Variants in ARK2C observed in about 807,000 individuals in gnomAD.
ARK2C encodes E3 ubiquitin-protein ligase ARK2C.
the ARK2C span, among the ~76,000 whole-genome samples, chr18:46,387,831 A>G: frequency 6.6e-6 from 1 of 152,216 alleles, no homozygotes; most frequent in African/African-American, 2.4e-5. Flanking sequence ...AGCTGACCTT[A>G]GGGGTTATTT....
the ARK2C span, among the ~76,000 whole-genome samples, chr18:46,412,910 C>T: frequency 6.6e-6 from 1 of 152,112 alleles, no homozygotes; most frequent in Admixed American, 6.5e-5. Flanking sequence ...GATCCTCCCT[C>T]TCTCCCTGAC....
the ARK2C span, among the ~76,000 whole-genome samples, chr18:46,387,987 G>A: frequency 6.6e-6 from 1 of 152,184 alleles, no homozygotes; most frequent in African/African-American, 2.4e-5. Flanking sequence ...CCACAGGCTG[G>A]GGATTTCCAA....
chr18:46,417,054 G>T, the ARK2C span, among the ~76,000 whole-genome samples: 7 of 152,180 alleles, frequency 4.6e-5, no homozygotes, highest in African/African-American at 1.7e-4. Flanking sequence ...TGCTTAGCAA[G>T]CAAGATATGG....
the ARK2C span, among the ~76,000 whole-genome samples, chr18:46,344,586 C>T: frequency 2.6e-5 from 4 of 152,118 alleles, no homozygotes; most frequent in Admixed American, 1.3e-4. Flanking sequence ...TGGCCCTTCC[C>T]CAGGGGACCT....
At chr18:46,402,781 A>C in the ARK2C span, among the ~76,000 whole-genome samples, 1 of 152,294 alleles carries the variant, frequency 6.6e-6, no homozygotes, top group East Asian at 1.9e-4. Flanking sequence ...GATTGCAGGC[A>C]TGAGCCACCA....
At chr18:46,400,302 G>A in the ARK2C span, among the ~76,000 whole-genome samples, 2 of 152,206 alleles carry the variant, frequency 1.3e-5, no homozygotes, top group Non-Finnish European at 2.9e-5. Context: ...CCAGTGTCCT[G>A]CAGTGATGAC....
chr18:46,362,445 C>T, the ARK2C span, among the ~76,000 whole-genome samples: 4 of 152,092 alleles, frequency 2.6e-5, no homozygotes, highest in South Asian at 2.1e-4. Flanking sequence ...AGTGTGTGCG[C>T]GCCCCAAGGG....
the ARK2C span, among the ~76,000 whole-genome samples, chr18:46,364,503 G>T: frequency 6.6e-6 from 1 of 151,814 alleles, no homozygotes; most frequent in Non-Finnish European, 1.5e-5. Flanking sequence ...TCGTGATGCC[G>T]ACAGACAAGG....
At chr18:46,408,278 A>G in the ARK2C span, among the ~76,000 whole-genome samples, 2 of 152,172 alleles carry the variant, frequency 1.3e-5, no homozygotes, top group Non-Finnish European at 2.9e-5. Context: ...AGAAACTGTG[A>G]AGGGGCTACT....
the ARK2C span, among the ~76,000 whole-genome samples, chr18:46,451,850 T>C: frequency 6.6e-6 from 1 of 152,108 alleles, no homozygotes; most frequent in Non-Finnish European, 1.5e-5. Context: ...TGGAAAGACA[T>C]GTTGGAAGCA....
the ARK2C span, chr18:46,458,313 C>G: frequency 3.2e-4 from 49 of 152,682 alleles, no homozygotes; most frequent in African/African-American, 1.2e-3. Flanking sequence ...CAACCCAAAC[C>G]CAACTTTCTT....
At chr18:46,401,637 TC>T in the ARK2C span, among the ~76,000 whole-genome samples, 1 of 152,210 alleles carries the variant, frequency 6.6e-6, no homozygotes, top group Non-Finnish European at 1.5e-5. Context: ...CCTGTGATCT[TC>T]CCACTGAGCC....
chr18:46,439,603 A>C, the ARK2C span, among the ~76,000 whole-genome samples: 1 of 152,348 alleles, frequency 6.6e-6, no homozygotes, highest in South Asian at 2.1e-4. Flanking sequence ...AAATGCCACA[A>C]GTTTCCATGC....
chr18:46,408,540 CAG>C, the ARK2C span, among the ~76,000 whole-genome samples: 1 of 152,248 alleles, frequency 6.6e-6, no homozygotes, highest in East Asian at 1.9e-4. Flanking sequence ...CGTAGTCAAA[CAG>C]AGTTAAGGTT....
chr18:46,369,469 A>G, the ARK2C span, among the ~76,000 whole-genome samples: 2 of 152,084 alleles, frequency 1.3e-5, no homozygotes, highest in East Asian at 3.9e-4. Context: ...CTTCCGGGGA[A>G]TGTTGAAGTC....
At chr18:46,421,689 C>T in the ARK2C span, among the ~76,000 whole-genome samples, 5 of 152,160 alleles carry the variant, frequency 3.3e-5, no homozygotes, top group Admixed American at 3.3e-4. Context: ...TTCCCTTACT[C>T]CTGGTCCATG....
the ARK2C span, among the ~76,000 whole-genome samples, chr18:46,366,185 G>A: frequency 6.6e-6 from 1 of 151,068 alleles, no homozygotes; most frequent in African/African-American, 2.4e-5. Context: ...CCAGCTACTC[G>A]GGAGGCTGAG....
the ARK2C span, chr18:46,337,771 A>G: frequency 7.4e-6 from 1 of 134,542 alleles, no homozygotes; most frequent in African/African-American, 3.9e-5. Context: ...CTCCCATTGT[A>G]AGATTTGAGT....
chr18:46,341,319 A>AGGGGGG, the ARK2C span, among the ~76,000 whole-genome samples: 2 of 126,366 alleles, frequency 1.6e-5, no homozygotes, highest in African/African-American at 3.0e-5. Context: ...GAGGTCAGGG[A>AGGGGGG]GGGGGGTGGG....
Sources: gnomAD v4.1 joint callset for allele counts (sites outside exome capture counted in the v4.1 genomes callset) on GRCh38, gnomAD v4.1.1 for gene constraint, MANE v1.5 for transcripts, NCBI Gene and HGNC (gene_info 2026-07-23, HGNC 2026-07-21) for gene names.